CNTLN: variants seen among roughly 807,000 people sequenced by gnomAD.
The protein encoded by CNTLN is centlein, centrosomal protein.
In CNTLN, 212 loss-of-function variants were observed where a neutral mutation model predicts 180.0. The observed-to-expected ratio is 1.18, with a 90% CI of 1.05 to 1.32. The LOEUF is 1.32. CNTLN is among the 40% of genes most tolerant of loss of function. The pLI, the probability that CNTLN is intolerant of heterozygous loss-of-function variation, is 0.00. For synonymous variants in CNTLN, 722 were observed against 563.1 expected, an observed-to-expected ratio of 1.28 and a Z score of -3.99; for missense variants, 2,095 against 1,610.9, an observed-to-expected ratio of 1.30 and a Z score of -5.14.
intron 15 of CNTLN, among the ~76,000 whole-genome samples, chr9:17,406,702 A>G (rs1372503129): frequency 3.3e-5 from 5 of 151,918 alleles, no homozygotes; most frequent in Middle Eastern, 3.4e-3. Flanking sequence ...AAATTTATTC[A>G]TGGATAGACT....
At chr9:17,377,300 C>A (rs530725108) in intron 13 of CNTLN, among the ~76,000 whole-genome samples, 36 of 152,290 alleles carry the variant, frequency 2.4e-4, no homozygotes, top group Non-Finnish European at 4.4e-4. Flanking sequence ...AATCCTAGCA[C>A]TTTGCAGGCC....
intron 15 of CNTLN, among the ~76,000 whole-genome samples, chr9:17,400,356 C>G (rs1826875565): frequency 6.6e-6 from 1 of 152,154 alleles, no homozygotes; most frequent in African/African-American, 2.4e-5. Context: ...CCAGGCTGGT[C>G]TGGAACTCCT....
intron 2 of CNTLN, among the ~76,000 whole-genome samples, chr9:17,165,467 A>G (rs753350534): frequency 2.6e-5 from 4 of 152,192 alleles, no homozygotes; most frequent in Admixed American, 6.5e-5. Context: ...AGAATGGGGA[A>G]AGTTGAAATA....
the CNTLN span, among the ~76,000 whole-genome samples, chr9:17,514,365 T>C: frequency 3.9e-5 from 6 of 151,998 alleles, no homozygotes; most frequent in Admixed American, 2.6e-4. Context: ...ATAACAGAAA[T>C]TAGAATATAG....
intron 12 of CNTLN, among the ~76,000 whole-genome samples, chr9:17,346,085 C>T (rs1821864678): frequency 6.6e-6 from 1 of 152,138 alleles, no homozygotes; most frequent in Admixed American, 6.5e-5. Context: ...AATTGACTCA[C>T]AGTTCCACAC....
intron 7 of CNTLN, among the ~76,000 whole-genome samples, chr9:17,307,277 ATT>A (rs112610955): frequency 1.1e-4 from 16 of 151,332 alleles, no homozygotes; most frequent in African/African-American, 3.6e-4. Context: ...AGATAATTTT[ATT>A]TTTTTTTAAG....
chr9:17,144,321 C>T (rs1397840560), intron 2 of CNTLN, among the ~76,000 whole-genome samples: 22 of 152,048 alleles, frequency 1.4e-4, no homozygotes, highest in Admixed American at 3.9e-4. Flanking sequence ...TCATTTTTTT[C>T]CTTCTGATGA....
At chr9:17,324,381 T>G (rs1232053950) in intron 8 of CNTLN, among the ~76,000 whole-genome samples, 1 of 152,236 alleles carries the variant, frequency 6.6e-6, no homozygotes, top group African/African-American at 2.4e-5. Flanking sequence ...TTTATTTTGC[T>G]ATTTAAGATA....
intron 13 of CNTLN, among the ~76,000 whole-genome samples, chr9:17,377,750 G>C (rs1166110626): frequency 6.6e-6 from 1 of 152,142 alleles, no homozygotes; most frequent in Non-Finnish European, 1.5e-5. Context: ...ATCAGTGGTT[G>C]CTGTGAGGAT....
intron 2 of CNTLN, among the ~76,000 whole-genome samples, chr9:17,189,167 C>CCG (rs1452584452): frequency 1.4e-5 from 2 of 143,102 alleles, no homozygotes; most frequent in East Asian, 4.4e-4. Context: ...ACTGCAAGCT[C>CCG]CGCCTCCCGG....
intron 7 of CNTLN, among the ~76,000 whole-genome samples, chr9:17,307,568 C>T (rs1009908542): frequency 1.4e-4 from 21 of 151,234 alleles, no homozygotes; most frequent in African/African-American, 4.8e-4. Context: ...CCTTCCCAGC[C>T]AGAGATACAT....
At chr9:17,183,951 C>T (rs543337513) in intron 2 of CNTLN, among the ~76,000 whole-genome samples, 32 of 152,144 alleles carry the variant, frequency 2.1e-4, no homozygotes, top group African/African-American at 7.5e-4. Context: ...TAAATTTGTT[C>T]TTAAGAACCA....
At chr9:17,167,456 T>C (rs1179198151) in intron 2 of CNTLN, 1 of 152,324 alleles carries the variant, frequency 6.6e-6, no homozygotes, top group African/African-American at 2.4e-5. Context: ...CATAAATTTA[T>C]GCTTCTCTTA....
intron 18 of CNTLN, among the ~76,000 whole-genome samples, chr9:17,420,606 G>C (rs1828642376): frequency 2.0e-5 from 3 of 150,982 alleles, no homozygotes; most frequent in Non-Finnish European, 4.4e-5. Flanking sequence ...TTTGGGTTTG[G>C]TTTGCTCTAG....
the CNTLN span, among the ~76,000 whole-genome samples, chr9:17,509,748 A>G: frequency 6.6e-6 from 1 of 152,186 alleles, no homozygotes; most frequent in Non-Finnish European, 1.5e-5. Flanking sequence ...GGCACCTCTC[A>G]TCATTATCCC....
Position 17,409,418 on chromosome 9 carries a change from C to A in CNTLN, c.2741C>A (p.Thr914Lys), listed in dbSNP as rs1827668331. 1 of 1,613,042 alleles carries A rather than the reference C, an allele frequency of 6.2e-7. No homozygotes were observed. Residue 914 changes from threonine (T) to lysine (K), a missense_variant, in exon 16 of 26, where the codon ACA becomes AAA. Physicochemically the swap from Thr to Lys is moderately conservative, Grantham distance 78. Coordinates refer to ENST00000380647, the MANE Select transcript of CNTLN (RefSeq NM_017738.4). ...KESDPTEDSQ[T>K]QGKEIVQTYL... ...AGTGATCCAACAGAAGACAGCCAAA[C>A]ACAAGGAAAAGAAATAGTACAGACA...
intron 2 of CNTLN, among the ~76,000 whole-genome samples, chr9:17,151,946 G>A (rs574386225): frequency 1.2e-4 from 19 of 152,170 alleles, no homozygotes; most frequent in African/African-American, 3.1e-4. Context: ...GTTTATTTGC[G>A]TAGAGGTGTT....
intron 25 of CNTLN, among the ~76,000 whole-genome samples, chr9:17,496,507 C>G (rs905058168): frequency 6.6e-6 from 1 of 152,152 alleles, no homozygotes; most frequent in Admixed American, 6.5e-5. Context: ...AATTACCTCC[C>G]GAAGCCCTTA....
In CNTLN at chr9:17,195,726, T is replaced by G. The variant is rs565863825; in HGVS notation, c.450-30477T>G. ...GTGAAGGTGGTTTTGGTAAAAAATG[T>G]AATCATTAACTTAAGAGTGGTCTTC... is the stretch of plus-strand genomic sequence containing the variant. On this transcript the variant is annotated intron_variant, in intron 2 of 25. Transcript: ENST00000380647. 3.9e-5 allele frequency among the ~76,000 whole-genome samples: 6 copies of G among 152,254 alleles called. No homozygotes were observed. In the South Asian group the frequency reaches 6.2e-4, roughly 16 times the overall value.
Sources: gnomAD v4.1 joint callset for allele counts (sites outside exome capture counted in the v4.1 genomes callset) on GRCh38, gnomAD v4.1.1 for gene constraint, MANE v1.5 for transcripts, NCBI Gene and HGNC (gene_info 2026-07-23, HGNC 2026-07-21) for gene names.